ETS1: variants seen among roughly 807,000 people sequenced by gnomAD.
The protein encoded by ETS1 is ETS proto-oncogene 1, transcription factor, also known as protein C-ets-1.
A neutral mutation model predicts 58.6 loss-of-function variants in ETS1; 15 were observed. That is an observed-to-expected ratio of 0.26 (90% CI 0.17 to 0.39). The LOEUF (loss-of-function observed/expected upper bound fraction) is 0.39, where lower values mean the gene tolerates loss of function less well. Among genes scored for constraint, ETS1 ranks in the 10% least tolerant of loss-of-function variants. The pLI, the probability that ETS1 is intolerant of heterozygous loss-of-function variation, is 1.00. For missense variants in ETS1, 417 were observed against 610.5 expected (o/e 0.68, Z 3.34); for synonymous variants, 214 against 218.2 (o/e 0.98, Z 0.17).
At position 128,462,064 on chromosome 11, in the gene ETS1, G is replaced by A. The variant is rs1017422141; in HGVS notation, c.*297C>T. ...CATGGATGATTTTTAAAAATGATTG[G>A]ACACATTAGTCTCTTTCTCTGTTAA... On this transcript the variant is annotated 3_prime_UTR_variant, in exon 10 of 10. Transcript: ENST00000392668. 5 of 335,912 alleles carry A rather than the reference G, an allele frequency of 1.5e-5. No individual in the cohort carries two copies. The highest frequency in any genetic ancestry group is 1.0e-4 in the African/African-American group (5 of 48,798). 20.8% of individuals were successfully genotyped at this position (335,912 alleles called of 1,614,324 possible).
rs1011557181 is a variant in ETS1, at chr11:128,549,724, T to G, written c.214+6567A>C. Among the ~76,000 whole-genome samples, 2 of 152,094 alleles carry G rather than the reference T, an allele frequency of 1.3e-5. No individual in the cohort carries two copies. Among genetic ancestry groups the G allele is most frequent in the Non-Finnish European group, 2.9e-5 (2 of 68,024 alleles). ...GGGACCTAAAGGGGTGATTTACATT[T>G]GTAAAGGCCTTTCCAAGCCCTCCTT... is the stretch of plus-strand genomic sequence containing the variant. On this transcript the variant is annotated intron_variant, in intron 3 of 9. Coordinates refer to ENST00000392668, the MANE Select transcript of ETS1 (RefSeq NM_001143820.2). This position sits in a 1 kb window ranked among gnomAD's most constrained non-coding sequence, Gnocchi z 4.3.
intron 3 of ETS1, among the ~76,000 whole-genome samples, chr11:128,548,112 G>GAAGGA (rs139704582): frequency 0.28 from 27,825 of 97,724 alleles, 5,671 homozygotes; most frequent in Non-Finnish European, 0.38. Flanking sequence ...AAAGGAAAGG[G>GAAGGA]AAGGAAAGGA....
In ETS1 at chr11:128,470,258, A is replaced by T. The variant is rs1188217681; in HGVS notation, c.1124-6631T>A. 2.0e-5 allele frequency among the ~76,000 whole-genome samples: 3 copies of T among 152,138 alleles called. No homozygotes were observed. The East Asian group carries it at 5.8e-4, about 29-fold the overall frequency. ...GAGGAGTGTCAAAAAATTTAAAAAT[A>T]AAAGCCATTTTACATGTCAGGCAGT... On this transcript the variant is annotated intron_variant, in intron 8 of 9. Coordinates refer to ENST00000392668, the MANE Select transcript of ETS1 (RefSeq NM_001143820.2).
chr11:128,577,928 AAGAG>A (rs1555091628), intron 1 of ETS1, among the ~76,000 whole-genome samples: 5 of 151,598 alleles, frequency 3.3e-5, no homozygotes, highest in African/African-American at 1.2e-4. Flanking sequence ...AAAAAAAAAA[AAGAG>A]AGAGAGAGAG....
At chr11:128,504,947 T>G (rs2135488251) in intron 3 of ETS1, 1 of 152,340 alleles carries the variant, frequency 6.6e-6, no homozygotes, top group South Asian at 2.1e-4. Context: ...GGTCAGACTC[T>G]AAGGTGGAAA....
rs1591581528 is a variant in ETS1, at chr11:128,459,127, A to C, written c.*3234T>G. 2 of 151,568 alleles carry C rather than the reference A, an allele frequency of 1.3e-5. No homozygotes were observed. Among genetic ancestry groups the C allele is most frequent in the East Asian group, 3.8e-4 (2 of 5,220 alleles). The allele number at this position is 151,568 out of a possible 1,614,324, so 9.4% of individuals were successfully genotyped here. On this transcript the variant is annotated 3_prime_UTR_variant, in exon 10 of 10. Transcript: ENST00000392668. Reference sequence around the variant, plus strand: ...TCATCCCTATACTTCTCAGCTTAAAAAAAAAGTATTCTTAAAAAAAAAAGT... The same window carrying C: ...TCATCCCTATACTTCTCAGCTTAAACAAAAAGTATTCTTAAAAAAAAAAGT...
At chr11:128,484,525 G>A (rs1435215535) in intron 7 of ETS1, among the ~76,000 whole-genome samples, 2 of 152,146 alleles carry the variant, frequency 1.3e-5, no homozygotes, top group African/African-American at 4.8e-5. Context: ...CTTTCAAAAT[G>A]ACCAAATTCA....
At position 128,577,502 on chromosome 11, in the gene ETS1, C is replaced by T. The variant is rs558357754; in HGVS notation, c.-14-4358G>A. 4.6e-5 allele frequency among the ~76,000 whole-genome samples: 7 copies of T among 152,326 alleles called. No individual in the cohort carries two copies. The East Asian group carries it at 9.6e-4, about 21-fold the overall frequency. Reference sequence around the variant, plus strand: ...TTTAGTTCATTTATTCACTCCAGATCCCTGGATCCTAGGCCAGTATTGGAA... The same window carrying T: ...TTTAGTTCATTTATTCACTCCAGATTCCTGGATCCTAGGCCAGTATTGGAA... On this transcript the variant is annotated intron_variant, in intron 1 of 9. Transcript: ENST00000392668.
intron 3 of ETS1, 57 bp downstream of exon 3, chr11:128,556,234 A>G (rs1864309990): frequency 6.8e-7 from 1 of 1,461,730 alleles, no homozygotes. Flanking sequence ...AGCCCTCATC[A>G]CATTTCCATT....
chr11:128,515,186 T>C (rs924765704), intron 3 of ETS1, among the ~76,000 whole-genome samples: 2 of 152,102 alleles, frequency 1.3e-5, no homozygotes, highest in African/African-American at 4.8e-5. Context: ...AAACAAAAAT[T>C]GCAATTGTCT....
rs567235937 is a variant in ETS1, at chr11:128,474,941, A to G, written c.1123+5250T>C. 2.6e-5 allele frequency among the ~76,000 whole-genome samples: 4 copies of G among 152,386 alleles called. No homozygotes were observed. In the South Asian group the frequency reaches 8.3e-4, roughly 32 times the overall value. ...TTCAGCAAGCCTGGAAGCCAGCCCC[A>G]GCTTTGCCTGGCCTGCAGACCTCAG... On this transcript the variant is annotated intron_variant, in intron 8 of 9. Transcript: ENST00000392668.
At chr11:128,584,758 G>C (rs908944609) in intron 1 of ETS1, among the ~76,000 whole-genome samples, 1 of 151,638 alleles carries the variant, frequency 6.6e-6, no homozygotes, top group East Asian at 1.9e-4. Context: ...AAACTTAAAA[G>C]ATTTGCCTGA....
rs540817364 is a variant in ETS1 at position 128,563,642 on chromosome 11, G to A, written c.70-7207C>T. Among the ~76,000 whole-genome samples the A allele has an allele frequency of 1.1e-4, 16 of 152,320 alleles. 1 individual carries two copies. The South Asian group carries it at 3.1e-3, about 30-fold the overall frequency. On this transcript the variant is annotated intron_variant, in intron 2 of 9. Coordinates refer to ENST00000392668, the MANE Select transcript of ETS1 (RefSeq NM_001143820.2). ...GATAAACAGCCACACCACGGTGGGC[G>A]AGCCTGCAGAGCCAAAAGTTATCGG... is the stretch of plus-strand genomic sequence containing the variant.
intron 2 of ETS1, among the ~76,000 whole-genome samples, chr11:128,571,281 T>C (rs1864622399): frequency 6.6e-6 from 1 of 151,788 alleles, no homozygotes; most frequent in African/African-American, 2.4e-5. Context: ...CCAGGCGTGG[T>C]GGCGGGCGCC....
chr11:128,573,672 A>G (rs1223668373), intron 1 of ETS1, among the ~76,000 whole-genome samples: 1 of 152,248 alleles, frequency 6.6e-6, no homozygotes, highest in East Asian at 1.9e-4. Flanking sequence ...GGGATTGAGC[A>G]TTATTGATCT....
In ETS1 at chr11:128,462,505, G is replaced by A. The variant is rs1861930046; in HGVS notation, c.1314C>T (p.Arg438=). 1.2e-6 allele frequency: 2 copies of A among 1,614,166 alleles called. No homozygotes were observed. The highest frequency in any genetic ancestry group is 1.7e-6 in the Non-Finnish European group (2 of 1,180,022). ...MNYEKLSRGL[R]YYYDKNIIHK... ...GGATGATGTTTTTGTCGTAATAGTAGCGTAGGCCACGGCTCAGTTTCTCAT... is the reference window on the plus strand; with the variant it reads ...GGATGATGTTTTTGTCGTAATAGTAACGTAGGCCACGGCTCAGTTTCTCAT... The change falls in exon 10 of 10, where the codon CGC becomes CGT. Residue 438 remains arginine, a synonymous_variant. Transcript: ENST00000392668.
chr11:128,585,044 GAAA>G (rs1565421187), intron 1 of ETS1, among the ~76,000 whole-genome samples: 2,831 of 18,192 alleles, frequency 0.16, 858 homozygotes, highest in Non-Finnish European at 0.16. Context: ...AAGAAAGAAA[GAAA>G]GAAAGAAAGA....
intron 5 of ETS1, 108 bp downstream of exon 5, chr11:128,489,182 G>T: frequency 2.3e-6 from 2 of 885,370 alleles, no homozygotes; most frequent in Non-Finnish European, 3.8e-6. Context: ...TCCTACAGTA[G>T]GACACCCACA....
At chr11:128,556,779 C>T in intron 2 of ETS1, among the ~76,000 whole-genome samples, 1 of 152,130 alleles carries the variant, frequency 6.6e-6, no homozygotes, top group East Asian at 1.9e-4. Flanking sequence ...TTTAATGGTA[C>T]CTTACTCTGT....
Sources: allele counts gnomAD v4.1 joint callset (sites outside exome capture counted in the v4.1 genomes callset), GRCh38; gene constraint gnomAD v4.1.1; non-coding constraint Gnocchi (gnomAD v3.1); transcripts MANE v1.5; gene names NCBI Gene and HGNC (gene_info 2026-07-23, HGNC 2026-07-21).